Variants in PDE11A observed in about 807,000 individuals in gnomAD.
PDE11A encodes the protein dual 3',5'-cyclic-AMP and -GMP phosphodiesterase 11A.
Under a neutral mutation model 100.5 loss-of-function variants are expected in PDE11A, and 100 were observed. The ratio of observed to expected loss-of-function variants is 1.00; its 90% confidence interval spans 0.85 to 1.18. PDE11A has a LOEUF of 1.18. PDE11A is among the 50% of genes most tolerant of loss of function. The pLI is 0.00. For missense variants in PDE11A, 1,141 were observed against 1,152.6 expected, an observed-to-expected ratio of 0.99 and a Z score of 0.15; for synonymous variants, 381 against 420.8, an observed-to-expected ratio of 0.91 and a Z score of 1.16.
chr2:177,852,829 C>T (rs1405981862), intron 5 of PDE11A, among the ~76,000 whole-genome samples: 2 of 152,198 alleles, frequency 1.3e-5, no homozygotes, highest in African/African-American at 2.4e-5. Flanking sequence ...CTAAATTTAT[C>T]ATGATCTGTT....
chr2:177,905,919 A>G (rs1383564066), intron 2 of PDE11A, among the ~76,000 whole-genome samples: 1 of 152,212 alleles, frequency 6.6e-6, no homozygotes, highest in Non-Finnish European at 1.5e-5. Context: ...CCTACCCCTA[A>G]CAAAGACTTT....
chr2:177,896,068 G>T (rs2084606892), intron 4 of PDE11A, among the ~76,000 whole-genome samples: 1 of 152,096 alleles, frequency 6.6e-6, no homozygotes, highest in Non-Finnish European at 1.5e-5. Flanking sequence ...GATGAGGAGT[G>T]GTTCAGAATT....
chr2:177,918,112 C>T (rs997483450), intron 2 of PDE11A, among the ~76,000 whole-genome samples: 1 of 152,086 alleles, frequency 6.6e-6, no homozygotes, highest in Non-Finnish European at 1.5e-5. Context: ...TAACAACAAA[C>T]AAAACTTTGT....
chr2:177,783,435 C>G (rs2082484058), intron 9 of PDE11A, among the ~76,000 whole-genome samples: 1 of 152,086 alleles, frequency 6.6e-6, no homozygotes, highest in African/African-American at 2.4e-5. Flanking sequence ...GGAATTTGGA[C>G]TGATTTCTAA....
chr2:177,956,831 G>A (rs1197871934), intron 2 of PDE11A, among the ~76,000 whole-genome samples: 3 of 152,012 alleles, frequency 2.0e-5, no homozygotes, highest in Admixed American at 1.3e-4. Flanking sequence ...AACACCGCAT[G>A]TTCTCGCTCA....
chr2:177,860,207 T>G (rs1181967943), intron 5 of PDE11A, among the ~76,000 whole-genome samples: 1 of 149,904 alleles, frequency 6.7e-6, no homozygotes, highest in Admixed American at 6.6e-5. Context: ...TGGTAATCCT[T>G]TAGCTAGTTT....
intron 9 of PDE11A, among the ~76,000 whole-genome samples, chr2:177,781,606 G>A (rs1223364246): frequency 1.3e-5 from 2 of 151,996 alleles, no homozygotes; most frequent in African/African-American, 4.8e-5. Flanking sequence ...GGGTTCAAGA[G>A]ATTCTCCTGA....
intron 12 of PDE11A, among the ~76,000 whole-genome samples, chr2:177,713,703 G>C (rs961969255): frequency 6.6e-6 from 1 of 151,450 alleles, no homozygotes; most frequent in African/African-American, 2.5e-5. Context: ...CAGTCTGAGC[G>C]ACAGAGCAAG....
intron 19 of PDE11A, among the ~76,000 whole-genome samples, chr2:177,633,650 A>T (rs947497482): frequency 1.3e-5 from 2 of 152,224 alleles, no homozygotes; most frequent in African/African-American, 4.8e-5. Flanking sequence ...CTTTATTTCC[A>T]TGAGAAAAAT....
chr2:177,836,030 C>G (rs373259793), intron 6 of PDE11A, among the ~76,000 whole-genome samples: 1 of 152,224 alleles, frequency 6.6e-6, no homozygotes, highest in Non-Finnish European at 1.5e-5. Context: ...CCGGTCCTAT[C>G]GACCACCCAA....
At chr2:177,868,815 CA>C (rs2084074593) in intron 5 of PDE11A, among the ~76,000 whole-genome samples, 1 of 152,156 alleles carries the variant, frequency 6.6e-6, no homozygotes, top group Non-Finnish European at 1.5e-5. Context: ...TAGATAAAAC[CA>C]AACTCATATT....
chr2:177,890,040 G>T (rs998329013), intron 4 of PDE11A, among the ~76,000 whole-genome samples: 3 of 152,142 alleles, frequency 2.0e-5, no homozygotes, highest in Non-Finnish European at 4.4e-5. Context: ...GGCTGCATTT[G>T]AATTTCAGTT....
chr2:177,963,558 A>G (rs2085661460), intron 2 of PDE11A, among the ~76,000 whole-genome samples: 1 of 152,232 alleles, frequency 6.6e-6, no homozygotes, highest in Non-Finnish European at 1.5e-5. Flanking sequence ...ACCTAGCCAC[A>G]GTTCAGCTTC....
At chr2:177,896,637 C>T (rs142425158) in intron 4 of PDE11A, among the ~76,000 whole-genome samples, 16 of 152,288 alleles carry the variant, frequency 1.1e-4, no homozygotes, top group African/African-American at 3.6e-4. Context: ...TACCACTTCC[C>T]GTTCCTTTAA....
chr2:178,097,980 T>A (rs1218142711), intron 2 of PDE11A, among the ~76,000 whole-genome samples: 2 of 152,200 alleles, frequency 1.3e-5, no homozygotes, highest in African/African-American at 2.4e-5. Context: ...ATAGTGAAAT[T>A]GATCAATCAA....
chr2:178,029,028 T>C (rs1036380871), intron 1 of PDE11A, among the ~76,000 whole-genome samples: 5 of 152,172 alleles, frequency 3.3e-5, no homozygotes, highest in African/African-American at 1.2e-4. Flanking sequence ...TTGAAAAATT[T>C]CATAGCTTCC....
intron 12 of PDE11A, among the ~76,000 whole-genome samples, 190 bp from the exon 13 acceptor site, chr2:177,712,068 A>C (rs547738882): frequency 6.6e-6 from 1 of 152,380 alleles, no homozygotes; most frequent in African/African-American, 2.4e-5. Flanking sequence ...GTGATGAATT[A>C]GCTTGCTGTC....
chr2:178,108,317 CCT>C (rs2087646671), exon 1 of PDE11A: 1 of 152,256 alleles, frequency 6.6e-6, no homozygotes, highest in Admixed American at 6.5e-5. Context: ...AGAAAGAGCA[CCT>C]CACGCCCTGG....
At chr2:177,908,154 T>G (rs1207305983) in intron 2 of PDE11A, among the ~76,000 whole-genome samples, 2 of 152,202 alleles carry the variant, frequency 1.3e-5, no homozygotes, top group African/African-American at 4.8e-5. Context: ...GTCATACATA[T>G]CTTTCATACA....
Sources: gnomAD v4.1 joint callset for allele counts (sites outside exome capture counted in the v4.1 genomes callset) on GRCh38, gnomAD v4.1.1 for gene constraint, MANE v1.5 for transcripts, NCBI Gene and HGNC (gene_info 2026-07-23, HGNC 2026-07-21) for gene names.